BST2: variants seen among roughly 807,000 people sequenced by gnomAD.
BST2 encodes the protein bone marrow stromal cell antigen 2.
Under a neutral mutation model 18.6 loss-of-function variants are expected in BST2, and 10 were observed. That is an observed-to-expected ratio of 0.54 (90% CI 0.33 to 0.91). BST2 has a LOEUF of 0.91. Among genes scored for constraint, BST2 ranks in the 40% least tolerant of loss-of-function variants. BST2 has a pLI of 0.02. For synonymous variants in BST2, 75 were observed against 96.8 expected, an observed-to-expected ratio of 0.77 and a Z score of 1.32; for missense variants, 183 against 228.4, an observed-to-expected ratio of 0.80 and a Z score of 1.28.
At chr19:17,405,047 G>GT (rs1296241823) in intron 1 of BST2, among the ~76,000 whole-genome samples, 4 of 152,096 alleles carry the variant, frequency 2.6e-5, no homozygotes, top group South Asian at 4.1e-4. Context: ...GGATACTGAG[G>GT]TCCCCGATTT....
rs2074705486 is a variant in BST2, at chr19:17,403,108, C to T, written c.*234G>A. ...GAGACAAGAGGGGGGACTCATTGTCCGGAGGGAGGCTCTGGAGGGAGACAG... is the reference window on the plus strand; with the variant it reads ...GAGACAAGAGGGGGGACTCATTGTCTGGAGGGAGGCTCTGGAGGGAGACAG... On this transcript the variant is annotated 3_prime_UTR_variant, in exon 5 of 5. Transcript: ENST00000252593. The T allele has an allele frequency of 2.0e-6, 2 of 985,442 alleles. No individual in the cohort carries two copies. Among genetic ancestry groups the T allele is most frequent in the Non-Finnish European group, 2.4e-6 (2 of 830,140 alleles). The allele number at this position is 985,442 out of a possible 1,614,324, so 61.0% of individuals were successfully genotyped here. A position where few individuals can be genotyped will look rare whatever the true frequency, so the allele number is the denominator to read the frequency against.
In BST2 at chr19:17,403,665, C is replaced by G; in HGVS notation, c.*15+15G>C. 1 of 1,608,056 alleles carries G rather than the reference C, an allele frequency of 6.2e-7. No individual in the cohort carries two copies. Among genetic ancestry groups the G allele is most frequent in the Non-Finnish European group, 8.5e-7 (1 of 1,179,592 alleles). ...GCTTTCTTCTCCCTCCCGGGGCCGCCCCCTCCTCACTGACCAGCTTCCTGG... is the reference window on the plus strand; with the variant it reads ...GCTTTCTTCTCCCTCCCGGGGCCGCGCCCTCCTCACTGACCAGCTTCCTGG... On this transcript the variant is annotated intron_variant, in intron 4 of 4. Transcript: ENST00000252593.
At chr19:17,403,614 C>T in intron 4 of BST2, 66 bp downstream of exon 4, 1 of 1,561,146 alleles carries the variant, frequency 6.4e-7, no homozygotes, top group Non-Finnish European at 8.6e-7. Flanking sequence ...ACTTCGGAGC[C>T]TCTGCTTCCC....
At chr19:17,403,886 G>GCCCA in intron 3 of BST2, 62 bp from the exon 4 acceptor site, 1 of 1,571,476 alleles carries the variant, frequency 6.4e-7, no homozygotes, top group Non-Finnish European at 8.6e-7. Context: ...CTCCCTGTAA[G>GCCCA]CCCACCGCCC....
Position 17,403,803 on chromosome 19 carries a change from GC to G in BST2, c.434del (p.Ser145ThrfsTer2). On this transcript the variant is annotated frameshift_variant, in exon 4 of 5. Coordinates refer to ENST00000252593, the MANE Select transcript of BST2 (RefSeq NM_004335.4). LOFTEE classifies it high-confidence loss of function. ...ERLRRENQVL[S>X]VRIADKKYYP... is the part of the protein sequence containing the mutation. ...AGTACTTCTTGTCCGCGATTCTCAC[GC>G]TTAAGACCTGGTTTTCTCTTCTGCG... 6.2e-7 allele frequency: 1 copy of G among 1,609,416 alleles called. No homozygotes were observed. The highest frequency in any genetic ancestry group is 1.1e-5 in the South Asian group (1 of 90,812).
In BST2 at chr19:17,405,505, A is replaced by T; in HGVS notation, c.71T>A (p.Leu24Gln). ...CAGGAGCACCAGAATTCCTATCCCC[A>T]GCAGAAGCTTACAGCGCTTATCCCC... ...EDGDKRCKLL[L>Q]GIGILVLLII... is the part of the protein sequence containing the mutation. The change falls in exon 1 of 5, where the codon CTG becomes CAG. Residue 24 changes from leucine (L) to glutamine (Q), a missense_variant. Leu to Gln is a moderately radical substitution (Grantham distance 113). Coordinates refer to ENST00000252593, the MANE Select transcript of BST2 (RefSeq NM_004335.4). 6.2e-7 allele frequency: 1 copy of T among 1,614,232 alleles called. No homozygotes were observed. The highest frequency in any genetic ancestry group is 8.5e-7 in the Non-Finnish European group (1 of 1,180,036).
At chr19:17,403,904 T>C (rs968646326) in intron 3 of BST2, 80 bp from the exon 4 acceptor site, 8 of 1,532,234 alleles carry the variant, frequency 5.2e-6, no homozygotes, top group Admixed American at 1.8e-5. Flanking sequence ...CCCCCGGGAG[T>C]TCCCCCCGCA....
Position 17,404,126 on chromosome 19 carries a change from G to T in BST2, c.413+3C>A, listed in dbSNP as rs1193701764. On this transcript the variant is annotated splice_donor_region_variant and intron_variant, in intron 3 of 4. Coordinates refer to ENST00000252593, the MANE Select transcript of BST2 (RefSeq NM_004335.4). ...AGGGTAGCGGGGGAAGGCTATCTCT[G>T]ACCTCAGTCGCTCCACCTCTGCAGA... The T allele has an allele frequency of 1.6e-5, 25 of 1,584,170 alleles. No homozygotes were observed. The highest frequency in any genetic ancestry group is 7.2e-5 in the Admixed American group (4 of 55,620).
intron 1 of BST2, among the ~76,000 whole-genome samples, chr19:17,404,970 G>C (rs1333665872): frequency 6.6e-6 from 1 of 152,130 alleles, no homozygotes; most frequent in Non-Finnish European, 1.5e-5. Flanking sequence ...TGGTGCCCAC[G>C]AGGAGTTTCA....
chr19:17,405,246 C>T, intron 1 of BST2, 45 bp downstream of exon 1: 3 of 1,535,540 alleles, frequency 2.0e-6, no homozygotes, highest in Non-Finnish European at 2.6e-6. Context: ...TCTTGTCCCT[C>T]CCACCGCCTA....
In BST2 at chr19:17,403,097, G is replaced by A. The variant is rs1030331212; in HGVS notation, c.*245C>T. ...TCTCAGGGTGGGAGACAAGAGGGGG[G>A]ACTCATTGTCCGGAGGGAGGCTCTG... On this transcript the variant is annotated 3_prime_UTR_variant, in exon 5 of 5. Transcript: ENST00000252593. The A allele has an allele frequency of 1.8e-5, 18 of 985,200 alleles. No homozygotes were observed. The highest frequency in any genetic ancestry group is 2.2e-5 in the Non-Finnish European group (18 of 830,070). The allele number at this position is 985,200 out of a possible 1,614,324, so 61.0% of individuals were successfully genotyped here.
intron 3 of BST2, 34 bp downstream of exon 3, chr19:17,404,095 A>G (rs777806905): frequency 1.3e-6 from 2 of 1,557,162 alleles, no homozygotes; most frequent in African/African-American, 2.7e-5. Flanking sequence ...GGAATGTGGC[A>G]GGTGGAGGGT....
At chr19:17,403,880 C>T in intron 3 of BST2, 56 bp from the exon 4 acceptor site, 1 of 1,580,896 alleles carries the variant, frequency 6.3e-7, no homozygotes, top group South Asian at 1.2e-5. Flanking sequence ...GCCGCCCTCC[C>T]TGTAAGCCCA....
At position 17,403,006 on chromosome 19, in the gene BST2, C is replaced by G. The variant is rs1045625407; in HGVS notation, c.*336G>C. 2 of 984,278 alleles carry G rather than the reference C, an allele frequency of 2.0e-6. No homozygotes were observed. The highest frequency in any genetic ancestry group is 2.4e-6 in the Non-Finnish European group (2 of 829,786). The allele number at this position is 984,278 out of a possible 1,614,324, so 61.0% of individuals were successfully genotyped here. A position where few individuals can be genotyped will look rare whatever the true frequency, so the allele number is the denominator to read the frequency against. On this transcript the variant is annotated 3_prime_UTR_variant, in exon 5 of 5. Transcript: ENST00000252593. Reference sequence around the variant, plus strand: ...CTCAAAGACCCCAGAAAAAAGCAACCCCCCCCGCAAAAAAAACCCATAACA... The same window carrying G: ...CTCAAAGACCCCAGAAAAAAGCAACGCCCCCCGCAAAAAAAACCCATAACA...
rs1196447238 is a variant in BST2, at chr19:17,403,012, C to T, written c.*330G>A. 4 of 984,898 alleles carry T rather than the reference C, an allele frequency of 4.1e-6. No homozygotes were observed. The highest frequency in any genetic ancestry group is 3.5e-5 in the African/African-American group (2 of 57,078). 61.0% of individuals were successfully genotyped at this position (984,898 alleles called of 1,614,324 possible). On this transcript the variant is annotated 3_prime_UTR_variant, in exon 5 of 5. Coordinates refer to ENST00000252593, the MANE Select transcript of BST2 (RefSeq NM_004335.4). ...GACCCCAGAAAAAAGCAACCCCCCC[C>T]GCAAAAAAAACCCATAACAACAGGC...
chr19:17,403,570 G>T lies in BST2; in HGVS notation c.*15+110C>A, dbSNP rs375355249. Reference sequence around the variant, plus strand: ...CTTCCCCAAGGCCCCTCACCTCTGCGCCCAGTCCCTTCCCCTGCAGCCTCT... The same window carrying T: ...CTTCCCCAAGGCCCCTCACCTCTGCTCCCAGTCCCTTCCCCTGCAGCCTCT... On this transcript the variant is annotated intron_variant, in intron 4 of 4. Coordinates refer to ENST00000252593, the MANE Select transcript of BST2 (RefSeq NM_004335.4). 7.8e-5 allele frequency: 107 copies of T among 1,378,238 alleles called. No individual in the cohort carries two copies. The East Asian group carries it at 1.5e-3, about 19-fold the overall frequency. 85.4% of individuals were successfully genotyped at this position (1,378,238 alleles called of 1,614,324 possible).
intron 1 of BST2, among the ~76,000 whole-genome samples, chr19:17,405,008 G>A (rs1014808933): frequency 6.6e-6 from 1 of 152,206 alleles, no homozygotes; most frequent in Non-Finnish European, 1.5e-5. Context: ...GCCCTGGAAA[G>A]AATTTATAAA....
At position 17,404,515 on chromosome 19, in the gene BST2, T is replaced by A. The variant is rs2074714930; in HGVS notation, c.286-78A>T. The A allele has an allele frequency of 2.5e-6, 4 of 1,606,208 alleles. No homozygotes were observed. The South Asian group carries it at 3.3e-5, about 13-fold the overall frequency. ...CTGGGACCTGGGCCTCCTCCCTAGGTCCTGGGGACAGAGGGGCTTAAATGC... is the reference window on the plus strand; with the variant it reads ...CTGGGACCTGGGCCTCCTCCCTAGGACCTGGGGACAGAGGGGCTTAAATGC... On this transcript the variant is annotated intron_variant, in intron 1 of 4. Transcript: ENST00000252593.
At position 17,403,798 on chromosome 19, in the gene BST2, C is replaced by G. The variant is rs754733965; in HGVS notation, c.440G>C (p.Arg147Thr). 6 of 1,612,234 alleles carry G rather than the reference C, an allele frequency of 3.7e-6. 1 individual carries two copies. Among genetic ancestry groups the G allele is most frequent in the Admixed American group, 3.4e-5 (2 of 59,606 alleles). The change falls in exon 4 of 5, where the codon AGA (arginine) becomes ACA (threonine). Residue 147 changes from arginine to threonine, a missense_variant. Coordinates refer to ENST00000252593, the MANE Select transcript of BST2 (RefSeq NM_004335.4). ...GGGGTAGTACTTCTTGTCCGCGATT[C>G]TCACGCTTAAGACCTGGTTTTCTCT... ...LRRENQVLSV[R>T]IADKKYYPSS... is the part of the protein sequence containing the mutation.
Sources: gnomAD v4.1 joint callset for allele counts (sites outside exome capture counted in the v4.1 genomes callset) on GRCh38, gnomAD v4.1.1 for gene constraint, MANE v1.5 for transcripts, NCBI Gene and HGNC (gene_info 2026-07-23, HGNC 2026-07-21) for gene names.